The following TMEM178B variants were observed in gnomAD, a reference collection of about 807,000 sequenced individuals.
TMEM178B encodes transmembrane protein 178B.
A neutral mutation model predicts 31.0 loss-of-function variants in TMEM178B; 5 were observed. The observed-to-expected ratio is 0.16, with a 90% CI of 0.08 to 0.34. TMEM178B has a LOEUF of 0.34. Among genes scored for constraint, TMEM178B ranks in the 10% least tolerant of loss-of-function variants. The pLI is 1.00. For synonymous variants in TMEM178B, 164 were observed against 164.0 expected, an observed-to-expected ratio of 1.00 and a Z score of 0.00; for missense variants, 275 against 400.3, an observed-to-expected ratio of 0.69 and a Z score of 2.67.
chr7:141,353,906 C>T (rs759107850), intron 2 of TMEM178B, among the ~76,000 whole-genome samples: 1 of 152,160 alleles, frequency 6.6e-6, no homozygotes, highest in Non-Finnish European at 1.5e-5. Context: ...GAATTTGATG[C>T]CAGAAGAGGC....
intron 1 of TMEM178B, among the ~76,000 whole-genome samples, chr7:141,079,299 A>G (rs1794647323): frequency 6.6e-6 from 1 of 152,108 alleles, no homozygotes; most frequent in Non-Finnish European, 1.5e-5. Context: ...AAAACAAACA[A>G]ACAAAAATTA....
intron 2 of TMEM178B, among the ~76,000 whole-genome samples, chr7:141,325,246 G>C (rs1425265980): frequency 3.3e-5 from 5 of 152,302 alleles, no homozygotes; most frequent in Non-Finnish European, 7.4e-5. Context: ...ATGCATCTTT[G>C]TGAAGCAGAT....
At chr7:141,234,110 G>A (rs944863335) in intron 2 of TMEM178B, among the ~76,000 whole-genome samples, 1 of 152,178 alleles carries the variant, frequency 6.6e-6, no homozygotes, top group African/African-American at 2.4e-5. Context: ...CCTGCCTCTT[G>A]CTAGTCTACA....
At chr7:141,207,409 ATGC>A (rs1215812954) in intron 1 of TMEM178B, among the ~76,000 whole-genome samples, 6 of 152,202 alleles carry the variant, frequency 3.9e-5, no homozygotes, top group Non-Finnish European at 8.8e-5. Context: ...CACCAATAGC[ATGC>A]AAGAGTTTCG....
intron 2 of TMEM178B, among the ~76,000 whole-genome samples, chr7:141,326,761 A>G (rs758686828): frequency 1.2e-4 from 19 of 152,316 alleles, no homozygotes; most frequent in Non-Finnish European, 2.1e-4. Flanking sequence ...CTAATCCTTT[A>G]TAGAAAAGTT....
At chr7:141,195,329 G>A (rs529254924) in intron 1 of TMEM178B, among the ~76,000 whole-genome samples, 2 of 152,224 alleles carry the variant, frequency 1.3e-5, no homozygotes, top group South Asian at 2.1e-4. Context: ...TGAATGCTTT[G>A]CTGCTTAGAA....
intron 1 of TMEM178B, among the ~76,000 whole-genome samples, chr7:141,097,793 C>CTTTTTTTTTTTTTTTTTT (rs552569756): frequency 7.9e-6 from 1 of 125,938 alleles, no homozygotes; most frequent in African/African-American, 3.2e-5. Flanking sequence ...TTCTTTCTTT[C>CTTTTTTTTTTTTTTTTTT]TTTTTTTTTT....
intron 2 of TMEM178B, among the ~76,000 whole-genome samples, chr7:141,435,155 G>C (rs983151929): frequency 1.3e-5 from 2 of 152,192 alleles, no homozygotes; most frequent in Non-Finnish European, 2.9e-5. Flanking sequence ...AGTAAATGGT[G>C]CTCCGGTAAA....
chr7:141,429,308 TACAC>T (rs3039921), intron 2 of TMEM178B, among the ~76,000 whole-genome samples: 74,151 of 149,532 alleles, frequency 0.5, 19,522 homozygotes, highest in Admixed American at 0.59. Context: ...GAAAATGTAA[TACAC>T]ACACACACAC....
At chr7:141,209,639 A>G (rs903272698) in intron 1 of TMEM178B, among the ~76,000 whole-genome samples, 1 of 152,198 alleles carries the variant, frequency 6.6e-6, no homozygotes, top group South Asian at 2.1e-4. Flanking sequence ...GGAGTGAGGC[A>G]TGTAAACAGA....
rs189920229 is a variant in TMEM178B at position 141,463,362 on chromosome 7, T to G, written c.635-7174T>G. ...CACCCACAGAGCAGCCACTGGACTTTGCCATCCAAAGGACAGTTCCTCCAA... is the reference window on the plus strand; with the variant it reads ...CACCCACAGAGCAGCCACTGGACTTGGCCATCCAAAGGACAGTTCCTCCAA... On this transcript the variant is annotated intron_variant, in intron 3 of 3. Coordinates refer to ENST00000565468, the MANE Select transcript of TMEM178B (RefSeq NM_001195278.2). Among the ~76,000 whole-genome samples the G allele has an allele frequency of 1.9e-3, 288 of 152,326 alleles. 2 individuals carry two copies. The highest frequency in any genetic ancestry group is 6.3e-3 in the African/African-American group (260 of 41,578).
At chr7:141,323,057 T>C (rs1233838745) in intron 2 of TMEM178B, among the ~76,000 whole-genome samples, 1 of 152,224 alleles carries the variant, frequency 6.6e-6, no homozygotes, top group Non-Finnish European at 1.5e-5. Flanking sequence ...AGTTGTCAAA[T>C]AGCTTCTGGA....
intron 2 of TMEM178B, among the ~76,000 whole-genome samples, chr7:141,388,060 G>T (rs1014815307): frequency 7.9e-5 from 12 of 152,216 alleles, no homozygotes; most frequent in African/African-American, 2.9e-4. Context: ...TCCTGGGTGT[G>T]AGGTTGTGAC....
chr7:141,242,630 C>G (rs1797644950), intron 2 of TMEM178B, among the ~76,000 whole-genome samples: 1 of 150,752 alleles, frequency 6.6e-6, no homozygotes, highest in Non-Finnish European at 1.5e-5. Context: ...CAGCCTCTGC[C>G]TCCCAGGTTC....
chr7:141,224,817 G>A (rs577486923), intron 2 of TMEM178B, among the ~76,000 whole-genome samples: 57 of 152,300 alleles, frequency 3.7e-4, no homozygotes, highest in African/African-American at 1.2e-3. Context: ...GAGAGCTCTC[G>A]TCCTAGAGCG....
intron 2 of TMEM178B, among the ~76,000 whole-genome samples, chr7:141,273,382 A>C (rs1234958500): frequency 6.6e-6 from 1 of 152,232 alleles, no homozygotes; most frequent in Non-Finnish European, 1.5e-5. Context: ...AAATTATCAC[A>C]TTGTGCCCTT....
chr7:141,269,136 G>C (rs1798140637), intron 2 of TMEM178B, among the ~76,000 whole-genome samples: 1 of 150,318 alleles, frequency 6.7e-6, no homozygotes, highest in Non-Finnish European at 1.5e-5. Context: ...TGTTGCCCAG[G>C]CTGGAGTGCA....
chr7:141,247,643 C>T (rs1050943883), intron 2 of TMEM178B, among the ~76,000 whole-genome samples: 3 of 151,938 alleles, frequency 2.0e-5, no homozygotes, highest in African/African-American at 7.3e-5. Flanking sequence ...GTGGAGGATG[C>T]AGAGGAAGAA....
At chr7:141,231,310 G>GAA (rs770411127) in intron 2 of TMEM178B, among the ~76,000 whole-genome samples, 7,646 of 105,118 alleles carry the variant, frequency 0.073, 249 homozygotes, top group East Asian at 0.23. Context: ...GAGCTCAAGA[G>GAA]AAGAAAAAAA....
Sources: allele counts gnomAD v4.1 joint callset (sites outside exome capture counted in the v4.1 genomes callset), GRCh38; gene constraint gnomAD v4.1.1; transcripts MANE v1.5; gene names NCBI Gene and HGNC (gene_info 2026-07-23, HGNC 2026-07-21).